RSPH10B2: variants seen among roughly 807,000 people sequenced by gnomAD.
RSPH10B2 encodes the protein radial spoke head 10 homolog B2, also known as radial spoke head 10 homolog B2 (Chlamydomonas).
In RSPH10B2, 9 loss-of-function variants were observed where a neutral mutation model predicts 49.0. The ratio of observed to expected loss-of-function variants is 0.18; its 90% confidence interval spans 0.11 to 0.32. RSPH10B2 has a LOEUF of 0.32. Among genes scored for constraint, RSPH10B2 ranks in the 10% least tolerant of loss-of-function variants. The probability of loss-of-function intolerance (pLI) is 1.00; values close to 1 mark genes in which losing one functional copy is unlikely to be tolerated. For missense variants in RSPH10B2, 95 were observed against 589.9 expected (o/e 0.16, Z 8.69); for synonymous variants, 35 against 210.2 (o/e 0.17, Z 7.21).
At chr7:6,784,759 G>A (rs1356775660) in intron 13 of RSPH10B2, among the ~76,000 whole-genome samples, 2 of 126,502 alleles carry the variant, frequency 1.6e-5, no homozygotes, top group Non-Finnish European at 3.2e-5. Context: ...GTAGAGATGC[G>A]GTTTGTCCAT....
intron 3 of RSPH10B2, among the ~76,000 whole-genome samples, chr7:6,761,991 CAG>C (rs1781290366): frequency 2.4e-5 from 1 of 41,674 alleles, no homozygotes; most frequent in Non-Finnish European, 5.3e-5. Flanking sequence ...CCAGCCCAGT[CAG>C]GGGGGCTTCT....
chr7:6,763,773 G>A, intron 3 of RSPH10B2, among the ~76,000 whole-genome samples, 155 bp from the exon 6 acceptor site: 1 of 146,730 alleles, frequency 6.8e-6, no homozygotes, highest in Non-Finnish European at 1.5e-5. Flanking sequence ...AAGGAAGGAA[G>A]AGAGAGAGTG....
At chr7:6,768,258 C>T (rs377729054) in intron 6 of RSPH10B2, among the ~76,000 whole-genome samples, 2 of 152,306 alleles carry the variant, frequency 1.3e-5, no homozygotes, top group Non-Finnish European at 2.9e-5. Context: ...TCAAGCCAGG[C>T]ACTTTATGTA....
rs1220938197 is a variant in RSPH10B2, at chr7:6,796,053, C to T, written c.2234-515C>T. 3.5e-5 allele frequency among the ~76,000 whole-genome samples: 5 copies of T among 143,634 alleles called. 1 individual carries two copies. Among genetic ancestry groups the T allele is most frequent in the African/African-American group, 1.0e-4 (4 of 39,206 alleles). 94.2% of individuals were successfully genotyped at this position (143,634 alleles called of 152,430 possible). On this transcript the variant is annotated intron_variant, in intron 17 of 18. Transcript: ENST00000297186. ...AAAAAGAGGTGGCTGGGCACAGTGG[C>T]TCATGCCTGTAATCCCAGCACTTTG... is the stretch of plus-strand genomic sequence containing the variant.
At chr7:6,756,194 C>G (rs1444815836), upstream of RSPH10B2, among the ~76,000 whole-genome samples, 1 of 141,736 alleles carries the variant, frequency 7.1e-6, no homozygotes, top group African/African-American at 2.8e-5. Flanking sequence ...GGCATGAACC[C>G]GGGAGGTGGA....
rs60931010 is a variant in RSPH10B2, at chr7:6,793,370, C to T, written c.2233+1373C>T. Among the ~76,000 whole-genome samples the T allele has an allele frequency of 2.5e-4, 29 of 116,292 alleles. 5 individuals carry two copies. The highest frequency in any genetic ancestry group is 4.1e-3 in the Middle Eastern group (1 of 242). The allele number at this position is 116,292 out of a possible 152,430, so 76.3% of individuals were successfully genotyped here. A position where few individuals can be genotyped will look rare whatever the true frequency, so the allele number is the denominator to read the frequency against. On this transcript the variant is annotated intron_variant, in intron 17 of 18. Coordinates refer to ENST00000297186, the Ensembl canonical transcript of RSPH10B2. The stretch of plus-strand genomic sequence containing the variant: ...CCTGGCCCTCCCCCTTTTCTGACGG[C>T]GTCTCTCTATGGCCGGCCACCCACT...
intron 17 of RSPH10B2, among the ~76,000 whole-genome samples, chr7:6,792,578 G>A (rs1782385493): frequency 8.9e-6 from 1 of 112,820 alleles, no homozygotes; most frequent in Non-Finnish European, 1.8e-5. Flanking sequence ...TCTGCTGACT[G>A]CGCTTCCTCC....
At chr7:6,764,646 C>T (rs1455917340) in intron 4 of RSPH10B2, among the ~76,000 whole-genome samples, 1 of 151,778 alleles carries the variant, frequency 6.6e-6, no homozygotes, top group Non-Finnish European at 1.5e-5. Flanking sequence ...CAGGCGTGAG[C>T]CACACTGTGC....
rs544051184 is a variant in RSPH10B2 at position 6,758,884 on chromosome 7, G to A, written c.255-200G>A. On this transcript the variant is annotated intron_variant, in intron 1 of 18. Coordinates refer to ENST00000297186, the Ensembl canonical transcript of RSPH10B2. ...CCCAAAAAACAAACAAAAAAACCCC[G>A]AAATGCCTTCATTCCTCACCCTACT... Among the ~76,000 whole-genome samples, 7 of 136,762 alleles carry A rather than the reference G, an allele frequency of 5.1e-5. No homozygotes were observed. In the East Asian group the frequency reaches 8.2e-4, roughly 16 times the overall value. 89.7% of individuals were successfully genotyped at this position (136,762 alleles called of 152,430 possible).
chr7:6,784,966 A>C (rs1387677383), intron 13 of RSPH10B2, among the ~76,000 whole-genome samples: 178 of 84,686 alleles, frequency 2.1e-3, no homozygotes, highest in African/African-American at 9.1e-3. Flanking sequence ...CTGCGGTCAC[A>C]TCGGTTTTGT....
At chr7:6,785,728 G>C (rs1322188122) in intron 13 of RSPH10B2, among the ~76,000 whole-genome samples, 3 of 151,190 alleles carry the variant, frequency 2.0e-5, no homozygotes, top group African/African-American at 4.9e-5. Flanking sequence ...GGGAGGCTGA[G>C]GCAGGAGAAT....
At chr7:6,781,499 G>C (rs1781934657) in intron 13 of RSPH10B2, 23 bp downstream of exon 15, 1 of 1,195,922 alleles carries the variant, frequency 8.4e-7, no homozygotes, top group East Asian at 3.0e-5. Context: ...GTTCGATATT[G>C]GCTTTCTATT....
chr7:6,766,532 A>G (rs1781463088), intron 5 of RSPH10B2, among the ~76,000 whole-genome samples: 1 of 77,568 alleles, frequency 1.3e-5, no homozygotes, highest in Non-Finnish European at 2.4e-5. Context: ...GGCTGGTCTC[A>G]AACTCCCAAC....
chr7:6,783,071 G>T, intron 13 of RSPH10B2, among the ~76,000 whole-genome samples: 1 of 115,892 alleles, frequency 8.6e-6, no homozygotes, highest in African/African-American at 3.4e-5. Flanking sequence ...TCGCTCTTTT[G>T]CCAGGGTGGA....
chr7:6,781,922 TA>T (rs1323786117), intron 13 of RSPH10B2, among the ~76,000 whole-genome samples: 1 of 108,730 alleles, frequency 9.2e-6, no homozygotes, highest in Non-Finnish European at 1.8e-5. Flanking sequence ...TTTTTAATTT[TA>T]TTTTTTTGAG....
chr7:6,795,869 C>G (rs1286536280), intron 17 of RSPH10B2, among the ~76,000 whole-genome samples: 1 of 148,606 alleles, frequency 6.7e-6, no homozygotes, highest in African/African-American at 2.5e-5. Context: ...TTCCTCCAGG[C>G]TTCAGTGAGC....
intron 7 of RSPH10B2, among the ~76,000 whole-genome samples, chr7:6,769,650 A>G (rs1244276867): frequency 8.7e-6 from 1 of 115,374 alleles, no homozygotes; most frequent in Non-Finnish European, 1.8e-5. Context: ...GTGCAGTGGC[A>G]TGATCTCAGC....
intron 13 of RSPH10B2, among the ~76,000 whole-genome samples, chr7:6,782,595 A>G (rs1376611698): frequency 1.6e-5 from 2 of 121,276 alleles, no homozygotes; most frequent in Non-Finnish European, 3.4e-5. Context: ...TGATCCTAGA[A>G]TAGCAATAAA....
chr7:6,784,818 G>A (rs1251975586), intron 13 of RSPH10B2, among the ~76,000 whole-genome samples: 2 of 107,612 alleles, frequency 1.9e-5, no homozygotes, highest in African/African-American at 4.1e-5. Context: ...CGCCTGCCTC[G>A]GCCTCCCAAA....
Sources: allele counts gnomAD v4.1 joint callset (sites outside exome capture counted in the v4.1 genomes callset), GRCh38; gene constraint gnomAD v4.1.1; transcripts MANE v1.5; gene names NCBI Gene and HGNC (gene_info 2026-07-23, HGNC 2026-07-21).